Variants in TECRL observed in about 807,000 individuals in gnomAD.
TECRL encodes the protein trans-2,3-enoyl-CoA reductase-like.
TECRL carries 63 observed loss-of-function variants against 52.8 expected under a neutral mutation model. The ratio of observed to expected loss-of-function variants is 1.19; its 90% confidence interval spans 0.97 to 1.47. The LOEUF (loss-of-function observed/expected upper bound fraction) is 1.47. TECRL is among the 40% of genes most tolerant of loss of function. TECRL has a pLI of 0.00. For synonymous variants in TECRL, 164 were observed against 141.9 expected (o/e 1.16, Z -1.10); for missense variants, 482 against 429.6 (o/e 1.12, Z -1.08).
At chr4:64,384,347 G>A (rs1034810123) in intron 1 of TECRL, among the ~76,000 whole-genome samples, 8 of 152,140 alleles carry the variant, frequency 5.3e-5, no homozygotes, top group Admixed American at 5.2e-4. Flanking sequence ...ATGCACAGGT[G>A]TCAGCAGTGG....
chr4:64,339,517 A>G (rs1040630246), intron 2 of TECRL, among the ~76,000 whole-genome samples: 2 of 151,898 alleles, frequency 1.3e-5, no homozygotes, highest in Non-Finnish European at 2.9e-5. Flanking sequence ...AGACTTTACT[A>G]TCTAATATTA....
At chr4:64,378,360 C>A (rs951609834) in intron 1 of TECRL, among the ~76,000 whole-genome samples, 5 of 151,846 alleles carry the variant, frequency 3.3e-5, no homozygotes, top group African/African-American at 1.2e-4. Context: ...GAGCCCAGGG[C>A]TTCAAGACGA....
At chr4:64,302,034 T>C (rs1047901237) in intron 7 of TECRL, among the ~76,000 whole-genome samples, 29 of 151,286 alleles carry the variant, frequency 1.9e-4, no homozygotes, top group Admixed American at 1.2e-3. Flanking sequence ...TTGATTATGT[T>C]GATAGTAGAC....
intron 4 of TECRL, among the ~76,000 whole-genome samples, chr4:64,317,955 C>T (rs1343885038): frequency 6.6e-6 from 1 of 152,050 alleles, no homozygotes; most frequent in Non-Finnish European, 1.5e-5. Flanking sequence ...TCATCATCTC[C>T]AAAGGATGAA....
chr4:64,338,439 A>C (rs1371869146), intron 2 of TECRL, among the ~76,000 whole-genome samples: 1 of 152,238 alleles, frequency 6.6e-6, no homozygotes, highest in South Asian at 2.1e-4. Flanking sequence ...AATGGGATCT[A>C]ATTAAACTCA....
intron 2 of TECRL, among the ~76,000 whole-genome samples, chr4:64,348,781 C>T (rs1355535314): frequency 3.9e-5 from 6 of 152,072 alleles, no homozygotes; most frequent in Admixed American, 3.9e-4. Flanking sequence ...ATGTCTCATC[C>T]TATATACAAT....
At chr4:64,302,378 A>G (rs1379711804) in intron 7 of TECRL, among the ~76,000 whole-genome samples, 3 of 151,402 alleles carry the variant, frequency 2.0e-5, no homozygotes, top group Non-Finnish European at 3.0e-5. Context: ...GAAAAAGACC[A>G]GTTAGCATAG....
At chr4:64,382,256 ATAT>A (rs1722861600) in intron 1 of TECRL, among the ~76,000 whole-genome samples, 2 of 143,686 alleles carry the variant, frequency 1.4e-5, no homozygotes, top group Non-Finnish European at 1.5e-5. Context: ...TATATAATAT[ATAT>A]TATGTTATAT....
chr4:64,284,565 T>C (rs893451069), intron 9 of TECRL, among the ~76,000 whole-genome samples: 28 of 152,064 alleles, frequency 1.8e-4, no homozygotes, highest in African/African-American at 6.8e-4. Context: ...CTGAGATGAC[T>C]AGTAGTGAAC....
At chr4:64,384,691 C>A (rs917221656) in intron 1 of TECRL, among the ~76,000 whole-genome samples, 21 of 152,200 alleles carry the variant, frequency 1.4e-4, no homozygotes, top group Admixed American at 1.2e-3. Context: ...GTTCTCAGGC[C>A]CCCTGATGGT....
intron 4 of TECRL, among the ~76,000 whole-genome samples, chr4:64,315,256 A>G (rs1427888704): frequency 6.6e-6 from 1 of 152,098 alleles, no homozygotes; most frequent in Non-Finnish European, 1.5e-5. Context: ...AGTTTTCTCT[A>G]TTAGAAATTT....
At chr4:64,328,650 G>A in intron 2 of TECRL, 94 bp from the exon 3 acceptor site, 1 of 1,092,958 alleles carries the variant, frequency 9.1e-7, no homozygotes, top group Non-Finnish European at 1.4e-6. Context: ...TTAGATCTAG[G>A]AAGTAAATAA....
intron 1 of TECRL, among the ~76,000 whole-genome samples, chr4:64,404,404 A>G (rs10517893): frequency 0.26 from 39,910 of 151,872 alleles, 5,495 homozygotes; most frequent in East Asian, 0.32. Context: ...GACATTTTAC[A>G]AGAAAGAAAT....
At chr4:64,388,509 C>A (rs1026764656) in intron 1 of TECRL, among the ~76,000 whole-genome samples, 1 of 151,808 alleles carries the variant, frequency 6.6e-6, no homozygotes, top group African/African-American at 2.4e-5. Context: ...TAGGCTGGAT[C>A]TTTTGCCTCT....
intron 5 of TECRL, among the ~76,000 whole-genome samples, chr4:64,311,299 A>G (rs1370625196): frequency 2.6e-5 from 4 of 152,222 alleles, no homozygotes; most frequent in African/African-American, 2.4e-5. Flanking sequence ...GCAGATACCT[A>G]TAAGTATAAT....
chr4:64,398,742 A>C (rs1006738305), intron 1 of TECRL, among the ~76,000 whole-genome samples: 1 of 152,196 alleles, frequency 6.6e-6, no homozygotes, highest in Admixed American at 6.5e-5. Context: ...GGAATTCACT[A>C]ACAGGTAGAG....
In TECRL at chr4:64,278,492, C is replaced by T. The variant is rs553669944; in HGVS notation, c.*1580G>A. 1 of 248,032 alleles carries T rather than the reference C, an allele frequency of 4.0e-6. No homozygotes were observed. The highest frequency in any genetic ancestry group is 1.5e-4 in the South Asian group (1 of 6,674). The allele number at this position is 248,032 out of a possible 1,614,324, so 15.4% of individuals were successfully genotyped here. The stretch of plus-strand genomic sequence containing the variant: ...AAATTAAATTTTATTTTTTGAGCGA[C>T]ATAAGAATTGAACATATTTGGGAGA... On this transcript the variant is annotated 3_prime_UTR_variant, in exon 12 of 12. Transcript: ENST00000381210.
chr4:64,276,473 A>G (rs1233171431), downstream of TECRL: 1 of 151,858 alleles, frequency 6.6e-6, no homozygotes, highest in African/African-American at 2.4e-5. Context: ...TAAATTTTTC[A>G]TTAATGTTTT....
Position 64,409,293 on chromosome 4 carries a change from C to T in TECRL, c.59G>A (p.Arg20Lys). 1 of 1,613,760 alleles carries T rather than the reference C, an allele frequency of 6.2e-7. No homozygotes were observed. Among genetic ancestry groups the T allele is most frequent in the Non-Finnish European group, 8.5e-7 (1 of 1,179,798 alleles). Reference protein sequence around the residue: ...SERKRALLSQRATRFILKDDM... With the variant: ...SERKRALLSQKATRFILKDDM... Reference sequence around the variant, plus strand: ...ATCCTTCAGTATGAACCGTGTAGCTCTTTGGGAAAGTAATGCTCTCTTGCG... The same window carrying T: ...ATCCTTCAGTATGAACCGTGTAGCTTTTTGGGAAAGTAATGCTCTCTTGCG... The change falls in exon 1 of 12, where the codon AGA (arginine) becomes AAA (lysine). Residue 20 changes from arginine to lysine, a missense_variant. Arg to Lys is a conservative substitution (Grantham distance 26). Coordinates refer to ENST00000381210, the MANE Select transcript of TECRL (RefSeq NM_001010874.5).
Sources: gnomAD v4.1 joint callset for allele counts (sites outside exome capture counted in the v4.1 genomes callset) on GRCh38, gnomAD v4.1.1 for gene constraint, MANE v1.5 for transcripts, NCBI Gene and HGNC (gene_info 2026-07-23, HGNC 2026-07-21) for gene names.